MCPH1: variants seen among roughly 807,000 people sequenced by gnomAD.
MCPH1 encodes microcephalin 1.
Under a neutral mutation model 84.5 loss-of-function variants are expected in MCPH1, and 104 were observed. The ratio of observed to expected loss-of-function variants is 1.23; its 90% CI spans 1.05 to 1.45. The LOEUF is 1.45. Ranked by LOEUF, MCPH1 falls within the 40% of genes most tolerant of loss-of-function variation. The pLI is 0.00. For synonymous variants in MCPH1, 514 were observed against 366.8 expected, an observed-to-expected ratio of 1.40 and a Z score of -4.58; for missense variants, 1,498 against 1,005.7, an observed-to-expected ratio of 1.49 and a Z score of -6.62.
At chr8:6,614,223 C>T (rs537108436) in intron 12 of MCPH1, among the ~76,000 whole-genome samples, 6 of 152,310 alleles carry the variant, frequency 3.9e-5, no homozygotes, top group Non-Finnish European at 5.9e-5. Context: ...GTTTTGGAGA[C>T]GGTTGTGCAG....
chr8:6,639,506 T>A (rs1451232498), intron 13 of MCPH1, among the ~76,000 whole-genome samples: 3 of 151,806 alleles, frequency 2.0e-5, no homozygotes, highest in Non-Finnish European at 2.9e-5. Context: ...ACAAAAAAAA[T>A]TTTAAAAGTA....
At chr8:6,487,039 T>G (rs1261210187) in intron 11 of MCPH1, among the ~76,000 whole-genome samples, 2 of 152,226 alleles carry the variant, frequency 1.3e-5, no homozygotes, top group Non-Finnish European at 2.9e-5. Context: ...TCCGTGTCAC[T>G]CTGTCCAGCA....
At chr8:6,408,631 C>T (rs1306816915) in intron 1 of MCPH1, among the ~76,000 whole-genome samples, 1 of 151,718 alleles carries the variant, frequency 6.6e-6, no homozygotes, top group Non-Finnish European at 1.5e-5. Context: ...CTCCTGGGCT[C>T]TAGGGATTCT....
intron 3 of MCPH1, among the ~76,000 whole-genome samples, chr8:6,430,727 G>A (rs1801722589): frequency 6.6e-6 from 1 of 152,192 alleles, no homozygotes. Context: ...CACTTAAACA[G>A]CAGATGAGTG....
At chr8:6,484,990 A>C (rs1192766706) in intron 11 of MCPH1, among the ~76,000 whole-genome samples, 1 of 152,236 alleles carries the variant, frequency 6.6e-6, no homozygotes, top group Non-Finnish European at 1.5e-5. Flanking sequence ...GTACACACAT[A>C]TGCACACACG....
intron 5 of MCPH1, among the ~76,000 whole-genome samples, chr8:6,436,774 C>A (rs1310804183): frequency 2.0e-5 from 3 of 151,794 alleles, no homozygotes; most frequent in Admixed American, 2.0e-4. Context: ...TAGAGACCAT[C>A]CTGGCTAACA....
At chr8:6,624,443 A>G (rs756859193) in intron 13 of MCPH1, among the ~76,000 whole-genome samples, 3 of 152,062 alleles carry the variant, frequency 2.0e-5, no homozygotes, top group East Asian at 1.9e-4. Flanking sequence ...TGTAGTGGGC[A>G]TCTCCAGTGT....
intron 2 of MCPH1, among the ~76,000 whole-genome samples, chr8:6,410,660 T>C (rs892765096): frequency 6.6e-6 from 1 of 152,148 alleles, no homozygotes; most frequent in Non-Finnish European, 1.5e-5. Flanking sequence ...AGGGAAAAGA[T>C]TCATTCACGG....
intron 8 of MCPH1, among the ~76,000 whole-genome samples, chr8:6,451,702 A>T (rs1009583302): frequency 4.0e-5 from 6 of 151,830 alleles, no homozygotes; most frequent in African/African-American, 1.2e-4. Context: ...CTGGAAAGGA[A>T]TTTTTCCTAG....
At chr8:6,635,122 A>G (rs1202704151) in intron 13 of MCPH1, 1 of 152,214 alleles carries the variant, frequency 6.6e-6, no homozygotes, top group African/African-American at 2.4e-5. Flanking sequence ...TCTGACCTCC[A>G]AAAAATATAC....
intron 12 of MCPH1, among the ~76,000 whole-genome samples, chr8:6,516,410 G>A (rs967136856): frequency 6.6e-6 from 1 of 152,136 alleles, no homozygotes. Context: ...TGATATATAG[G>A]ATTTGAATAA....
intron 12 of MCPH1, among the ~76,000 whole-genome samples, chr8:6,510,285 G>T (rs1417260091): frequency 1.3e-5 from 2 of 151,968 alleles, no homozygotes; most frequent in African/African-American, 4.8e-5. Context: ...TGGCACGTTG[G>T]GTCCTCACGT....
intron 12 of MCPH1, among the ~76,000 whole-genome samples, chr8:6,592,361 G>T (rs1828531376): frequency 6.6e-6 from 1 of 151,754 alleles, no homozygotes; most frequent in Non-Finnish European, 1.5e-5. Context: ...TGCTCAGGGA[G>T]GTCTCAAACT....
chr8:6,425,633 C>G (rs1234889334), intron 3 of MCPH1, among the ~76,000 whole-genome samples: 1 of 152,232 alleles, frequency 6.6e-6, no homozygotes, highest in Non-Finnish European at 1.5e-5. Context: ...ACATCTTCCA[C>G]AACTGTATAA....
chr8:6,622,728 C>CA (rs1831593515), intron 13 of MCPH1, among the ~76,000 whole-genome samples: 1 of 152,224 alleles, frequency 6.6e-6, no homozygotes, highest in African/African-American at 2.4e-5. Flanking sequence ...CCTCACGTGG[C>CA]CTTTCCTCCA....
chr8:6,585,223 A>C (rs1330574773), intron 12 of MCPH1, among the ~76,000 whole-genome samples: 1 of 152,216 alleles, frequency 6.6e-6, no homozygotes, highest in Non-Finnish European at 1.5e-5. Flanking sequence ...CCACGGGGAG[A>C]GGAGCTGGGG....
intron 12 of MCPH1, among the ~76,000 whole-genome samples, chr8:6,536,314 A>G (rs1169025942): frequency 6.6e-6 from 1 of 152,152 alleles, no homozygotes; most frequent in Non-Finnish European, 1.5e-5. Context: ...GCCTCACATC[A>G]GCACAGGTGG....
intron 12 of MCPH1, chr8:6,502,911 G>T: frequency 1.6e-6 from 1 of 612,124 alleles, no homozygotes; most frequent in Non-Finnish European, 2.8e-6. Context: ...GTCTTGCTTT[G>T]GTCCGTTAAG....
chr8:6,549,435 C>T (rs901342311), intron 12 of MCPH1, among the ~76,000 whole-genome samples: 2 of 152,158 alleles, frequency 1.3e-5, no homozygotes, highest in African/African-American at 2.4e-5. Flanking sequence ...TCAGGATTGG[C>T]GTTGAGAAGA....
Sources: gnomAD v4.1 joint callset for allele counts (sites outside exome capture counted in the v4.1 genomes callset) on GRCh38, gnomAD v4.1.1 for gene constraint, MANE v1.5 for transcripts, NCBI Gene and HGNC (gene_info 2026-07-23, HGNC 2026-07-21) for gene names.